The following CCDC30 variants were observed in gnomAD, a reference collection of about 807,000 sequenced individuals.
The protein encoded by CCDC30 is coiled-coil domain-containing protein 30.
Under a neutral mutation model 100.2 loss-of-function variants are expected in CCDC30, and 70 were observed. That is an observed-to-expected ratio of 0.70 (90% confidence interval 0.58 to 0.85). The LOEUF is 0.85. Among genes scored for constraint, CCDC30 ranks in the 40% least tolerant of loss-of-function variants. The pLI is 0.00. For synonymous variants in CCDC30, 233 were observed against 269.5 expected, an observed-to-expected ratio of 0.86 and a Z score of 1.33; for missense variants, 652 against 771.2, an observed-to-expected ratio of 0.85 and a Z score of 1.83.
chr1:42,457,093 C>T, the CCDC30 span: 12 of 1,579,318 alleles, frequency 7.6e-6, no homozygotes, highest in South Asian at 1.4e-4. Context: ...CTAGGAGTAC[C>T]CCTTTTGCCT....
chr1:42,489,476 C>A (rs143096294), intron 3 of CCDC30, among the ~76,000 whole-genome samples: 251 of 152,282 alleles, frequency 1.6e-3, no homozygotes, highest in African/African-American at 4.8e-3. Context: ...AAAACCTTCA[C>A]AATTGTGCTG....
At chr1:42,521,018 G>A (rs1410287159) in intron 6 of CCDC30, 2 of 143,458 alleles carry the variant, frequency 1.4e-5, no homozygotes, top group Non-Finnish European at 3.0e-5. Context: ...CTTTTGCCCA[G>A]GCTGGAGTGC....
chr1:42,562,136 C>T (rs544486062), intron 6 of CCDC30, among the ~76,000 whole-genome samples: 4 of 152,224 alleles, frequency 2.6e-5, no homozygotes, highest in African/African-American at 9.6e-5. Context: ...AAAGAAGACC[C>T]CATATAGCCA....
At chr1:42,623,997 T>C (rs1359293) in intron 11 of CCDC30, among the ~76,000 whole-genome samples, 20,231 of 152,196 alleles carry the variant, frequency 0.13, 1,565 homozygotes, top group East Asian at 0.28. Context: ...CTGGCTATTA[T>C]AAATGGAATC....
At chr1:42,593,709 C>T (rs938114613) in intron 10 of CCDC30, 5 of 152,536 alleles carry the variant, frequency 3.3e-5, no homozygotes, top group Non-Finnish European at 4.4e-5. Context: ...ACACTTACCA[C>T]TTCGGAGATT....
chr1:42,590,635 G>T (rs900454042), intron 10 of CCDC30: 2 of 152,216 alleles, frequency 1.3e-5, no homozygotes, highest in Admixed American at 1.3e-4. Context: ...TACTCAGGAG[G>T]CTGAGGTGGG....
chr1:42,534,830 A>C (rs986827148), intron 6 of CCDC30: 5 of 152,070 alleles, frequency 3.3e-5, no homozygotes, highest in African/African-American at 1.2e-4. Context: ...ATGCTTAAGA[A>C]ATGTCGCTTT....
chr1:42,560,557 G>A (rs1645466399), intron 6 of CCDC30, among the ~76,000 whole-genome samples: 1 of 152,000 alleles, frequency 6.6e-6, no homozygotes, highest in Non-Finnish European at 1.5e-5. Context: ...TTTTAGTAGA[G>A]ACAGAGTTTC....
chr1:42,489,197 C>T (rs1024951399), intron 3 of CCDC30, among the ~76,000 whole-genome samples: 1 of 152,184 alleles, frequency 6.6e-6, no homozygotes, highest in African/African-American at 2.4e-5. Context: ...GACTTAGGTT[C>T]ACATCCCAGC....
At chr1:42,654,041 C>G in exon 17 of CCDC30, 1 of 1,596,342 alleles carries the variant, frequency 6.3e-7, no homozygotes, top group Non-Finnish European at 8.6e-7. Context: ...TCACTGGTGC[C>G]TAAAGCTATA....
chr1:42,469,841 T>A lies in CCDC30; in HGVS notation c.-92+5943T>A, dbSNP rs375412859. Among the ~76,000 whole-genome samples the A allele has an allele frequency of 3.3e-5, 5 of 152,222 alleles. No homozygotes were observed. The South Asian group carries it at 1.0e-3, about 32-fold the overall frequency. Reference sequence around the variant, plus strand: ...CAAGAGTGAGGGGAGAGATGAGATATTCAGTTTGATGGGAGAGGTAAAAGT... The same window carrying A: ...CAAGAGTGAGGGGAGAGATGAGATAATCAGTTTGATGGGAGAGGTAAAAGT... On this transcript the variant is annotated intron_variant, in intron 1 of 16. Coordinates refer to ENST00000668663, the Ensembl canonical transcript of CCDC30.
rs571999285 is a variant in CCDC30 at position 42,571,804 on chromosome 1, G to A, written c.637-5216G>A. Among the ~76,000 whole-genome samples the A allele has an allele frequency of 5.3e-5, 8 of 152,178 alleles. No homozygotes were observed. The East Asian group carries it at 7.7e-4, about 15-fold the overall frequency. On this transcript the variant is annotated intron_variant, in intron 7 of 16. Coordinates refer to ENST00000668663, the Ensembl canonical transcript of CCDC30. Reference sequence around the variant, plus strand: ...GCATTTCTGGTCTTCAAAAATTAACGAAAAATGAGGAAATGAGGTTTCATA... The same window carrying A: ...GCATTTCTGGTCTTCAAAAATTAACAAAAAATGAGGAAATGAGGTTTCATA...
intron 1 of CCDC30, among the ~76,000 whole-genome samples, chr1:42,477,573 T>G (rs1322620649): frequency 6.6e-6 from 1 of 152,228 alleles, no homozygotes; most frequent in African/African-American, 2.4e-5. Flanking sequence ...GTCATTATAA[T>G]GCAAAAGTTC....
intron 10 of CCDC30, chr1:42,591,919 A>T (rs1646194597): frequency 6.6e-6 from 1 of 152,208 alleles, no homozygotes; most frequent in Non-Finnish European, 1.5e-5. Flanking sequence ...GTCAAGGGAG[A>T]GTATTTTGGA....
chr1:42,573,008 C>T (rs1490874120), intron 7 of CCDC30, among the ~76,000 whole-genome samples: 1 of 152,166 alleles, frequency 6.6e-6, no homozygotes, highest in African/African-American at 2.4e-5. Context: ...ATTATTTTAG[C>T]TTTATATAAA....
intron 15 of CCDC30, among the ~76,000 whole-genome samples, chr1:42,648,759 G>A (rs1648098461): frequency 6.6e-6 from 1 of 151,956 alleles, no homozygotes; most frequent in African/African-American, 2.4e-5. Context: ...GAAACAAAAA[G>A]TTGGGTTTTT....
intron 11 of CCDC30, among the ~76,000 whole-genome samples, chr1:42,627,764 G>A (rs750723606): frequency 1.3e-5 from 2 of 152,222 alleles, no homozygotes; most frequent in African/African-American, 4.8e-5. Flanking sequence ...TGGGTGCACA[G>A]AAGTCAAGAA....
intron 12 of CCDC30, among the ~76,000 whole-genome samples, chr1:42,639,129 T>C (rs1383758498): frequency 6.6e-6 from 1 of 152,132 alleles, no homozygotes; most frequent in African/African-American, 2.4e-5. Context: ...AATGTGACCT[T>C]ATATAGAAAT....
chr1:42,642,998 T>C (rs1224432017), intron 13 of CCDC30, among the ~76,000 whole-genome samples: 2 of 152,160 alleles, frequency 1.3e-5, no homozygotes, highest in African/African-American at 2.4e-5. Context: ...AGGATATCAG[T>C]GTATTAATTT....
Sources: allele counts gnomAD v4.1 joint callset (sites outside exome capture counted in the v4.1 genomes callset), GRCh38; gene constraint gnomAD v4.1.1; transcripts MANE v1.5; gene names NCBI Gene and HGNC (gene_info 2026-07-23, HGNC 2026-07-21).